The following PTPRG variants were observed in gnomAD, a reference collection of about 807,000 sequenced individuals.
PTPRG encodes receptor-type tyrosine-protein phosphatase gamma.
Under a neutral mutation model 165.3 loss-of-function variants are expected in PTPRG, and 102 were observed. The observed-to-expected ratio is 0.62, with a 90% CI of 0.53 to 0.73. The LOEUF (loss-of-function observed/expected upper bound fraction) is 0.73. Among genes scored for constraint, PTPRG ranks in the 30% least tolerant of loss-of-function variants. The pLI, the probability that PTPRG is intolerant of heterozygous loss-of-function variation, is 0.00. For synonymous variants in PTPRG, 675 were observed against 669.5 expected, an observed-to-expected ratio of 1.01 and a Z score of -0.13; for missense variants, 1,866 against 1,861.4, an observed-to-expected ratio of 1.00 and a Z score of -0.05.
intron 2 of PTPRG, among the ~76,000 whole-genome samples, chr3:61,816,375 C>CA (rs943486181): frequency 9.9e-5 from 15 of 151,732 alleles, no homozygotes; most frequent in African/African-American, 1.9e-4. Flanking sequence ...GCTAAAAATA[C>CA]AAAAAAAATT....
intron 3 of PTPRG, among the ~76,000 whole-genome samples, chr3:61,997,815 A>C (rs897752728): frequency 4.6e-5 from 7 of 152,230 alleles, no homozygotes; most frequent in African/African-American, 1.7e-4. Flanking sequence ...GGAAGGCTGG[A>C]ACTAGAGCCA....
At position 62,203,093 on chromosome 3, in the gene PTPRG, T is replaced by C. The variant is rs1325262846; in HGVS notation, c.1378-80T>C. ...TCAGAGGGTGACAACCAGGGCCTCA[T>C]TCCCAATCTCAATTACTGATGCTTC... On this transcript the variant is annotated intron_variant, in intron 11 of 29. Coordinates refer to ENST00000474889, the MANE Select transcript of PTPRG (RefSeq NM_002841.4). This position sits in a 1 kb window ranked among gnomAD's most constrained non-coding sequence, Gnocchi z 6.4. 7 of 1,515,236 alleles carry C rather than the reference T, an allele frequency of 4.6e-6. No homozygotes were observed. Among genetic ancestry groups the C allele is most frequent in the Non-Finnish European group, 6.2e-6 (7 of 1,132,220 alleles). The allele number at this position is 1,515,236 out of a possible 1,614,324, so 93.9% of individuals were successfully genotyped here.
chr3:62,004,999 T>C (rs1024253502), intron 4 of PTPRG, among the ~76,000 whole-genome samples: 1 of 152,222 alleles, frequency 6.6e-6, no homozygotes, highest in Non-Finnish European at 1.5e-5. Flanking sequence ...CTGGAAGCTC[T>C]GTTGAAGAAT....
intron 1 of PTPRG, among the ~76,000 whole-genome samples, chr3:61,664,058 G>A (rs1013165744): frequency 1.1e-4 from 17 of 152,300 alleles, no homozygotes; most frequent in Admixed American, 9.2e-4. Context: ...GTCAGAGAAC[G>A]AATGTGAAGT....
intron 2 of PTPRG, among the ~76,000 whole-genome samples, chr3:61,751,495 T>C (rs1014602970): frequency 1.3e-5 from 2 of 152,194 alleles, no homozygotes; most frequent in Non-Finnish European, 2.9e-5. Flanking sequence ...TCTTATTTCC[T>C]CCTAAGATAA....
chr3:61,698,565 A>G (rs772284393), intron 1 of PTPRG, among the ~76,000 whole-genome samples: 2 of 152,208 alleles, frequency 1.3e-5, no homozygotes, highest in Non-Finnish European at 2.9e-5. Flanking sequence ...CCCATGGGAC[A>G]TAGTTGGCTA....
At chr3:61,983,304 C>T (rs1033119505) in intron 2 of PTPRG, among the ~76,000 whole-genome samples, 6 of 152,062 alleles carry the variant, frequency 3.9e-5, no homozygotes, top group South Asian at 4.1e-4. Flanking sequence ...TATTCGATTT[C>T]GGATAAAAAG....
chr3:61,743,322 A>T (rs1187027437), intron 1 of PTPRG, among the ~76,000 whole-genome samples: 8 of 152,170 alleles, frequency 5.3e-5, no homozygotes, highest in Admixed American at 5.2e-4. Flanking sequence ...CGTAAGCATC[A>T]TTGGCTAGTT....
intron 16 of PTPRG, among the ~76,000 whole-genome samples, chr3:62,260,427 T>C (rs1207407140): frequency 6.6e-6 from 1 of 152,192 alleles, no homozygotes; most frequent in African/African-American, 2.4e-5. Flanking sequence ...TGATTTAGCC[T>C]ACATCACCTC....
At chr3:61,759,604 G>A (rs946650033) in intron 2 of PTPRG, among the ~76,000 whole-genome samples, 1 of 152,180 alleles carries the variant, frequency 6.6e-6, no homozygotes, top group Admixed American at 6.5e-5. Flanking sequence ...AGTGAACCCT[G>A]ATCACACCAC....
chr3:61,767,831 A>T (rs2034078867), intron 2 of PTPRG, among the ~76,000 whole-genome samples: 1 of 151,956 alleles, frequency 6.6e-6, no homozygotes, highest in African/African-American at 2.4e-5. Flanking sequence ...ATAGCTGGAT[A>T]TGGTGGCACA....
intron 2 of PTPRG, among the ~76,000 whole-genome samples, chr3:61,892,009 A>T (rs1488849382): frequency 6.6e-6 from 1 of 152,200 alleles, no homozygotes; most frequent in Non-Finnish European, 1.5e-5. Context: ...ATAATAGTGC[A>T]AATTTACTAA....
At position 62,220,386 on chromosome 3, in the gene PTPRG, A is replaced by G. The variant is rs557176343; in HGVS notation, c.2288+1403A>G. Among the ~76,000 whole-genome samples the G allele has an allele frequency of 2.0e-5, 3 of 152,296 alleles. No homozygotes were observed. The East Asian group carries it at 5.8e-4, about 29-fold the overall frequency. ...GGCAGAAACAGAGACCATCGGGGAG[A>G]CTACTGGACTAGTTCAAGAAGGACA... On this transcript the variant is annotated intron_variant, in intron 13 of 29. Transcript: ENST00000474889.
At chr3:61,892,587 C>CG (rs946051103) in intron 2 of PTPRG, among the ~76,000 whole-genome samples, 5 of 152,112 alleles carry the variant, frequency 3.3e-5, no homozygotes, top group Admixed American at 2.0e-4. Flanking sequence ...GAGGGAGAGG[C>CG]GGGTGGATCA....
intron 1 of PTPRG, among the ~76,000 whole-genome samples, chr3:61,612,240 C>G (rs1008684646): frequency 6.6e-6 from 1 of 152,250 alleles, no homozygotes; most frequent in Non-Finnish European, 1.5e-5. Context: ...GCTACCACGC[C>G]TGGCCACTGT....
intron 8 of PTPRG, among the ~76,000 whole-genome samples, chr3:62,178,623 G>T (rs943759389): frequency 6.6e-6 from 1 of 152,180 alleles, no homozygotes; most frequent in African/African-American, 2.4e-5. Flanking sequence ...AAAGTGTCAG[G>T]CACTCGTGTC....
intron 5 of PTPRG, among the ~76,000 whole-genome samples, chr3:62,104,813 G>T (rs1277160204): frequency 6.6e-6 from 1 of 152,172 alleles, no homozygotes; most frequent in African/African-American, 2.4e-5. Context: ...GTCATCATAT[G>T]TCAAAAACTT....
At chr3:61,931,827 G>A (rs1456345233) in intron 2 of PTPRG, among the ~76,000 whole-genome samples, 1 of 152,124 alleles carries the variant, frequency 6.6e-6, no homozygotes, top group African/African-American at 2.4e-5. Context: ...GTTATTTGTT[G>A]AGTGGATGTT....
At chr3:61,579,593 G>A (rs1431255030) in intron 1 of PTPRG, among the ~76,000 whole-genome samples, 1 of 152,208 alleles carries the variant, frequency 6.6e-6, no homozygotes, top group African/African-American at 2.4e-5. Context: ...CCTGTATCAC[G>A]TAACTTGGAA....
Sources: gnomAD v4.1 joint callset for allele counts (sites outside exome capture counted in the v4.1 genomes callset) on GRCh38, gnomAD v4.1.1 for gene constraint, Gnocchi (gnomAD v3.1) non-coding constraint, MANE v1.5 for transcripts, NCBI Gene and HGNC (gene_info 2026-07-23, HGNC 2026-07-21) for gene names.